The following THOC5 variants were observed in gnomAD, a reference collection of about 807,000 sequenced individuals.
THOC5 encodes the protein THO complex subunit 5, also known as Fms-interacting protein.
Under a neutral mutation model 92.9 loss-of-function variants are expected in THOC5, and 43 were observed. The observed-to-expected ratio is 0.46, with a 90% CI of 0.36 to 0.60. The LOEUF is 0.60. Ranked by LOEUF, THOC5 falls within the 20% of genes least tolerant of loss-of-function variation. The probability of loss-of-function intolerance (pLI) is 0.00; values close to 1 mark genes in which losing one functional copy is unlikely to be tolerated. For missense variants in THOC5, 659 were observed against 849.4 expected (o/e 0.78, Z 2.79); for synonymous variants, 296 against 320.1 (o/e 0.92, Z 0.80).
chr22:29,526,008 T>A (rs1015806184), intron 11 of THOC5, 62 bp from the exon 12 acceptor site: 60 of 665,280 alleles, frequency 9.0e-5, no homozygotes, highest in Non-Finnish European at 1.4e-4. Context: ...GTGAACAGAG[T>A]CATAGGGGGT....
chr22:29,518,478 G>C (rs1221469904), intron 15 of THOC5, among the ~76,000 whole-genome samples: 1 of 152,202 alleles, frequency 6.6e-6, no homozygotes, highest in Non-Finnish European at 1.5e-5. Context: ...TCACTTGGGA[G>C]CTTAGAAGAA....
chr22:29,525,857 T>C lies in THOC5; in HGVS notation c.1156A>G (p.Ile386Val). 6.2e-7 allele frequency: 1 copy of C among 1,613,912 alleles called. No homozygotes were observed. Among genetic ancestry groups the C allele is most frequent in the African/African-American group, 1.3e-5 (1 of 75,026 alleles). ...CAATACCCTGCACTGATGGGGGTGATCAGCTCCATGGCAGTTGTCACTTTG... is the reference window on the plus strand; with the variant it reads ...CAATACCCTGCACTGATGGGGGTGACCAGCTCCATGGCAGTTGTCACTTTG... ...KAKVTTAMEL[I>V]TPISAGDLLS... Residue 386 changes from isoleucine (I) to valine (V), a missense_variant, in exon 12 of 20, where the codon ATC becomes GTC. Coordinates refer to ENST00000490103, the MANE Select transcript of THOC5 (RefSeq NM_003678.5).
rs955791851 is a variant in THOC5 at position 29,508,166 on chromosome 22, G to A, written c.*291C>T. 8 of 456,714 alleles carry A rather than the reference G, an allele frequency of 1.8e-5. No individual in the cohort carries two copies. The highest frequency in any genetic ancestry group is 5.9e-4 in the Middle Eastern group (1 of 1,702). The allele number at this position is 456,714 out of a possible 1,614,324, so 28.3% of individuals were successfully genotyped here. ...CAAATAGGGTGTGCGTAGACAAGAG[G>A]TGAGCATCTCTCTGCAGAATTGGAA... On this transcript the variant is annotated 3_prime_UTR_variant, in exon 20 of 20. Coordinates refer to ENST00000490103, the MANE Select transcript of THOC5 (RefSeq NM_003678.5).
intron 11 of THOC5, among the ~76,000 whole-genome samples, chr22:29,526,157 C>T (rs567109796): frequency 2.0e-5 from 3 of 151,770 alleles, no homozygotes; most frequent in South Asian, 2.1e-4. Flanking sequence ...TCCCCAGAAT[C>T]GAAAATAAAA....
In THOC5 at chr22:29,511,305, T is replaced by C. The variant is rs376358035; in HGVS notation, c.1798-9A>G. 6 of 1,606,550 alleles carry C rather than the reference T, an allele frequency of 3.7e-6. No individual in the cohort carries two copies. The African/African-American group carries it at 6.7e-5, about 18-fold the overall frequency. On this transcript the variant is annotated splice_polypyrimidine_tract_variant and intron_variant, in intron 18 of 19. Coordinates refer to ENST00000490103, the MANE Select transcript of THOC5 (RefSeq NM_003678.5). The stretch of plus-strand genomic sequence containing the variant: ...ACTTCGCCCTCCATGGCCTGTGTGA[T>C]AGGAAAGCCAGCATCTCAGCACTAC...
intron 12 of THOC5, 29 bp downstream of exon 12, chr22:29,525,809 C>G: frequency 6.3e-7 from 1 of 1,578,002 alleles, no homozygotes; most frequent in Non-Finnish European, 8.7e-7. Context: ...CCATCCCGCA[C>G]GTCATTGCCC....
At chr22:29,520,130 T>A in intron 13 of THOC5, 26 bp from the exon 14 acceptor site, 1 of 1,605,758 alleles carries the variant, frequency 6.2e-7, no homozygotes, top group South Asian at 1.1e-5. Context: ...TAAATAAAAT[T>A]GTGCTGTAAG....
intron 5 of THOC5, among the ~76,000 whole-genome samples, chr22:29,541,584 G>T (rs1163565890): frequency 6.6e-6 from 1 of 150,508 alleles, no homozygotes; most frequent in African/African-American, 2.4e-5. Flanking sequence ...CGGACCCACC[G>T]GGTGTGGTGG....
chr22:29,513,659 A>G (rs2063272480), intron 17 of THOC5, among the ~76,000 whole-genome samples: 1 of 152,044 alleles, frequency 6.6e-6, no homozygotes, highest in East Asian at 1.9e-4. Flanking sequence ...ACTGTACTCC[A>G]GCCTACGCAA....
chr22:29,519,654 C>T (rs537475151), intron 14 of THOC5, among the ~76,000 whole-genome samples: 4 of 140,728 alleles, frequency 2.8e-5, no homozygotes, highest in African/African-American at 7.9e-5. Flanking sequence ...TTTTTTGAGA[C>T]GGAGTTTTGC....
chr22:29,544,741 C>A (rs906227659), intron 2 of THOC5, 138 bp from the exon 3 acceptor site: 20 of 861,010 alleles, frequency 2.3e-5, no homozygotes, highest in Non-Finnish European at 3.2e-5. Context: ...AAGATCTGGT[C>A]CTTAAATTAA....
In THOC5 at chr22:29,511,930, T is replaced by C. The variant is rs566550360; in HGVS notation, c.1797+91A>G. 4.6e-5 allele frequency: 48 copies of C among 1,041,386 alleles called. No individual in the cohort carries two copies. In the East Asian group the frequency reaches 6.2e-4, roughly 14 times the overall value. 64.5% of individuals were successfully genotyped at this position (1,041,386 alleles called of 1,614,324 possible). On this transcript the variant is annotated intron_variant, in intron 18 of 19. Coordinates refer to ENST00000490103, the MANE Select transcript of THOC5 (RefSeq NM_003678.5). ...CCTTCTGTTTTGGGAATTAAGGCAG[T>C]GCCCAAGTCCTCAGCTGCAGTGGGT...
At chr22:29,531,707 C>T (rs2063658444) in intron 8 of THOC5, 124 bp downstream of exon 8, 1 of 1,484,384 alleles carries the variant, frequency 6.7e-7, no homozygotes. Flanking sequence ...AAGAAAGCTT[C>T]TGTCACCTGA....
chr22:29,519,917 A>C (rs891149863), intron 14 of THOC5, 91 bp downstream of exon 14: 1 of 1,019,716 alleles, frequency 9.8e-7, no homozygotes, highest in Admixed American at 2.4e-5. Context: ...TATAGGCATG[A>C]GCCACCGCAC....
chr22:29,521,132 G>T, intron 12 of THOC5, 33 bp from the exon 13 acceptor site: 1 of 1,494,222 alleles, frequency 6.7e-7, no homozygotes, highest in Non-Finnish European at 9.3e-7. Context: ...CAGTGAGAAT[G>T]CAGCCAACAT....
intron 12 of THOC5, among the ~76,000 whole-genome samples, chr22:29,521,455 G>A (rs555308501): frequency 2.0e-5 from 3 of 152,040 alleles, no homozygotes; most frequent in Non-Finnish European, 2.9e-5. Context: ...AGATTTATAT[G>A]GTGCCTAAGG....
intron 6 of THOC5, among the ~76,000 whole-genome samples, 158 bp downstream of exon 6, chr22:29,539,172 T>C (rs1338421135): frequency 2.7e-5 from 4 of 150,402 alleles, no homozygotes; most frequent in East Asian, 2.0e-4. Context: ...CATGATGAGG[T>C]TGGTGAAGTT....
intron 11 of THOC5, among the ~76,000 whole-genome samples, chr22:29,527,357 T>G (rs1299151656): frequency 1.3e-5 from 2 of 152,150 alleles, no homozygotes; most frequent in Non-Finnish European, 2.9e-5. Context: ...AGGTTGAAGT[T>G]GCAGTGAGCC....
intron 15 of THOC5, among the ~76,000 whole-genome samples, chr22:29,518,416 A>T (rs746566736): frequency 6.6e-6 from 1 of 152,162 alleles, no homozygotes; most frequent in African/African-American, 2.4e-5. Context: ...CTGAGTGAAT[A>T]AACTAAAAGA....
Sources: allele counts gnomAD v4.1 joint callset (sites outside exome capture counted in the v4.1 genomes callset), GRCh38; gene constraint gnomAD v4.1.1; transcripts MANE v1.5; gene names NCBI Gene and HGNC (gene_info 2026-07-23, HGNC 2026-07-21).